SGCD: variants seen among roughly 807,000 people sequenced by gnomAD.
The protein encoded by SGCD is delta-sarcoglycan.
Under a neutral mutation model 36.6 loss-of-function variants are expected in SGCD, and 18 were observed. The observed-to-expected ratio is 0.49, with a 90% CI of 0.34 to 0.73. The LOEUF is 0.73. SGCD is among the 30% of genes least tolerant of loss of function. The pLI is 0.01. For synonymous variants in SGCD, 133 were observed against 130.6 expected (o/e 1.02, Z -0.12); for missense variants, 387 against 346.7 (o/e 1.12, Z -0.92).
chr5:156,508,503 A>T lies in SGCD; in HGVS notation c.193-98A>T, dbSNP rs540965569. 0.019 allele frequency: 2,436 copies of T among 129,170 alleles called. 36 individuals are homozygous for T. The highest frequency in any genetic ancestry group is 0.069 in the African/African-American group (1,682 of 24,426). 8.0% of individuals were successfully genotyped at this position (129,170 alleles called of 1,614,324 possible). A position where few individuals can be genotyped will look rare whatever the true frequency, so the allele number is the denominator to read the frequency against. On this transcript the variant is annotated intron_variant, in intron 3 of 8. Transcript: ENST00000337851. Reference sequence around the variant, plus strand: ...TCCTCATTCCACACCTTCAAAAATTAAAAAAAAAAAAGGCTATAACTACGT... The same window carrying T: ...TCCTCATTCCACACCTTCAAAAATTTAAAAAAAAAAAGGCTATAACTACGT...
At chr5:156,381,315 C>T (rs374422742) in intron 3 of SGCD, among the ~76,000 whole-genome samples, 7 of 152,164 alleles carry the variant, frequency 4.6e-5, no homozygotes, top group East Asian at 1.9e-4. Context: ...TAAAAGGAAA[C>T]GTAAGGCTGC....
chr5:156,503,788 G>A (rs980126843), intron 3 of SGCD, among the ~76,000 whole-genome samples: 1 of 152,114 alleles, frequency 6.6e-6, no homozygotes, highest in African/African-American at 2.4e-5. Context: ...AGTACATGAG[G>A]TATAGTGTAC....
rs531464583 is a variant in SGCD at position 155,910,224 on chromosome 5, T to A, written c.-282+39800T>A. 8.0e-4 allele frequency among the ~76,000 whole-genome samples: 121 copies of A among 152,104 alleles called. 2 individuals carry two copies. The highest frequency in any genetic ancestry group is 2.4e-4 in the Non-Finnish European group (16 of 68,006). On this transcript the variant is annotated intron_variant, in intron 1 of 9. Coordinates refer to the SGCD transcript ENST00000517913. The stretch of plus-strand genomic sequence containing the variant: ...ACTAACATAGTGTTATTTTTTACTA[T>A]TTTATGTGTTGACATTCTACCTAAT...
intron 2 of SGCD, among the ~76,000 whole-genome samples, chr5:156,341,274 G>C (rs1768637905): frequency 6.6e-6 from 1 of 152,044 alleles, no homozygotes; most frequent in East Asian, 1.9e-4. Context: ...ATGCCTCAAA[G>C]GTAGCCAGAC....
chr5:156,401,991 C>T (rs937187289), intron 3 of SGCD, among the ~76,000 whole-genome samples: 17 of 152,128 alleles, frequency 1.1e-4, no homozygotes, highest in African/African-American at 4.1e-4. Context: ...ACTACTCTGC[C>T]GACCTCATTT....
At chr5:156,545,112 A>G (rs1298828140) in intron 4 of SGCD, among the ~76,000 whole-genome samples, 4 of 152,128 alleles carry the variant, frequency 2.6e-5, no homozygotes, top group Non-Finnish European at 5.9e-5. Flanking sequence ...TCTTCTAGGT[A>G]GTGACTTTTT....
intron 4 of SGCD, among the ~76,000 whole-genome samples, chr5:156,517,035 C>T (rs551591763): frequency 1.1e-4 from 16 of 152,176 alleles, no homozygotes; most frequent in African/African-American, 3.4e-4. Context: ...TGGGTAATAA[C>T]GGACTTCTTT....
At chr5:155,907,123 G>C (rs1174434387) in intron 1 of SGCD, among the ~76,000 whole-genome samples, 1 of 148,876 alleles carries the variant, frequency 6.7e-6, no homozygotes, top group Non-Finnish European at 1.5e-5. Flanking sequence ...CTGTGCTCTA[G>C]AAATGGAACA....
intron 4 of SGCD, among the ~76,000 whole-genome samples, chr5:156,517,464 A>C (rs563580746): frequency 6.6e-6 from 1 of 152,344 alleles, no homozygotes; most frequent in African/African-American, 2.4e-5. Context: ...AAGACAGGCC[A>C]ACATTCAAAT....
intron 4 of SGCD, among the ~76,000 whole-genome samples, chr5:156,552,932 T>C (rs556136196): frequency 1.8e-4 from 28 of 152,252 alleles, no homozygotes; most frequent in African/African-American, 6.7e-4. Flanking sequence ...TATAAAGAAA[T>C]ACCTAAGGCT....
chr5:156,131,471 A>C (rs1204304677), intron 3 of SGCD, among the ~76,000 whole-genome samples: 1 of 152,228 alleles, frequency 6.6e-6, no homozygotes, highest in African/African-American at 2.4e-5. Context: ...TATAAATGCT[A>C]GGCTGCTGTT....
chr5:156,404,213 C>T (rs566620535), intron 3 of SGCD, among the ~76,000 whole-genome samples: 5 of 152,270 alleles, frequency 3.3e-5, no homozygotes, highest in East Asian at 1.9e-4. Flanking sequence ...TTCCCTTCAT[C>T]GGCTTACCTG....
intron 3 of SGCD, among the ~76,000 whole-genome samples, chr5:156,238,659 T>C (rs371085603): frequency 5.9e-5 from 9 of 152,304 alleles, no homozygotes; most frequent in African/African-American, 2.2e-4. Context: ...AATGACTGTA[T>C]TGGAAAGCAC....
At chr5:156,431,398 C>A (rs1282922787) in intron 3 of SGCD, among the ~76,000 whole-genome samples, 1 of 152,170 alleles carries the variant, frequency 6.6e-6, no homozygotes, top group Non-Finnish European at 1.5e-5. Context: ...TGCATCCATG[C>A]TGCATTCCTG....
intron 1 of SGCD, among the ~76,000 whole-genome samples, chr5:156,030,932 G>C (rs1039202969): frequency 6.6e-6 from 1 of 152,182 alleles, no homozygotes; most frequent in Admixed American, 6.5e-5. Context: ...ATGTTTTTGA[G>C]TGAAAAAAAG....
intron 7 of SGCD, among the ~76,000 whole-genome samples, chr5:156,649,991 G>A (rs1469167660): frequency 1.3e-5 from 2 of 152,034 alleles, no homozygotes; most frequent in Admixed American, 1.3e-4. Context: ...TTGGCTTTAA[G>A]CGGTAAAGTA....
At chr5:155,830,378 G>T in the SGCD span, among the ~76,000 whole-genome samples, 1 of 152,036 alleles carries the variant, frequency 6.6e-6, no homozygotes, top group Non-Finnish European at 1.5e-5. Flanking sequence ...AGTTCTGTTG[G>T]ATTAGGGACA....
At chr5:156,512,403 T>C (rs1231332122) in intron 4 of SGCD, among the ~76,000 whole-genome samples, 2 of 152,088 alleles carry the variant, frequency 1.3e-5, no homozygotes, top group South Asian at 4.1e-4. Context: ...CAATATTCAG[T>C]GCAGGAACAT....
chr5:155,962,164 A>C (rs974617822), intron 1 of SGCD, among the ~76,000 whole-genome samples: 1 of 152,066 alleles, frequency 6.6e-6, no homozygotes. Context: ...TCAGAATTTG[A>C]ACCCAAATCT....
Sources: allele counts gnomAD v4.1 joint callset (sites outside exome capture counted in the v4.1 genomes callset), GRCh38; gene constraint gnomAD v4.1.1; transcripts MANE v1.5; gene names NCBI Gene and HGNC (gene_info 2026-07-23, HGNC 2026-07-21).